EHBP1: variants seen among roughly 807,000 people sequenced by gnomAD.
EHBP1 encodes the protein EH domain-binding protein 1.
In EHBP1, 55 loss-of-function variants were observed where a neutral mutation model predicts 144.0. That is an observed-to-expected ratio of 0.38 (90% confidence interval 0.31 to 0.48). The LOEUF (loss-of-function observed/expected upper bound fraction) is 0.48. Ranked by LOEUF, EHBP1 falls within the 20% of genes least tolerant of loss-of-function variation. EHBP1 has a pLI of 0.98. For synonymous variants in EHBP1, 469 were observed against 472.7 expected (o/e 0.99, Z 0.10); for missense variants, 1,200 against 1,364.2 (o/e 0.88, Z 1.90).
intron 4 of EHBP1, among the ~76,000 whole-genome samples, chr2:62,767,629 G>A (rs1003693688): frequency 1.3e-5 from 2 of 151,952 alleles, no homozygotes; most frequent in African/African-American, 4.8e-5. Context: ...GAGCTCAGGA[G>A]TTCAAGACCA....
At chr2:62,942,645 T>C in intron 10 of EHBP1, 73 bp from the exon 11 acceptor site, 1 of 1,357,814 alleles carries the variant, frequency 7.4e-7, no homozygotes, top group Non-Finnish European at 1.0e-6. Flanking sequence ...AATGATCTGA[T>C]TAGGTCAATT....
At chr2:62,970,713 C>CG (rs1326657035) in intron 14 of EHBP1, among the ~76,000 whole-genome samples, 1 of 152,108 alleles carries the variant, frequency 6.6e-6, no homozygotes, top group Non-Finnish European at 1.5e-5. Context: ...GATCCAAAGG[C>CG]TGCTGAAAGA....
intron 5 of EHBP1, among the ~76,000 whole-genome samples, chr2:62,799,023 AAAG>A (rs1160772495): frequency 3.3e-5 from 5 of 151,658 alleles, no homozygotes; most frequent in Non-Finnish European, 5.9e-5. Context: ...AAAAAAAAAA[AAAG>A]AAATTCATGC....
chr2:63,001,960 T>C (rs749702338), intron 19 of EHBP1, among the ~76,000 whole-genome samples: 3 of 152,206 alleles, frequency 2.0e-5, no homozygotes, highest in Non-Finnish European at 4.4e-5. Context: ...TGCAAAAAGA[T>C]ACCTAGCCAA....
intron 9 of EHBP1, among the ~76,000 whole-genome samples, chr2:62,867,738 A>T (rs562080094): frequency 6.6e-6 from 1 of 152,324 alleles, no homozygotes; most frequent in South Asian, 2.1e-4. Context: ...AATGAAAGGG[A>T]CTTAGAATAA....
Position 62,890,870 on chromosome 2 carries a change from A to G in EHBP1, c.1185+16338A>G, listed in dbSNP as rs576983668. On this transcript the variant is annotated intron_variant, in intron 10 of 22. Transcript: ENST00000431489. ...TATAGTGTAATTAATCTATAAGTCA[A>G]TAACAAAACAGTAATTATAAGAAGC... Among the ~76,000 whole-genome samples, 19 of 152,354 alleles carry G rather than the reference A, an allele frequency of 1.2e-4. No individual in the cohort carries two copies. The South Asian group carries it at 3.1e-3, about 25-fold the overall frequency.
At chr2:62,813,514 G>C (rs1166694695) in intron 5 of EHBP1, among the ~76,000 whole-genome samples, 1 of 152,146 alleles carries the variant, frequency 6.6e-6, no homozygotes, top group Non-Finnish European at 1.5e-5. Flanking sequence ...GTGGGGGTGA[G>C]GCCACCTGAG....
intron 1 of EHBP1, among the ~76,000 whole-genome samples, chr2:62,675,941 A>G (rs1176194564): frequency 1.3e-5 from 2 of 152,142 alleles, no homozygotes; most frequent in Non-Finnish European, 2.9e-5. Flanking sequence ...TTTTTGGTAG[A>G]GAAGGGGTTT....
intron 3 of EHBP1, among the ~76,000 whole-genome samples, chr2:62,750,699 A>AAGCTATCCTCCCACCTCAGCC (rs1553393414): frequency 2.0e-5 from 3 of 152,118 alleles, no homozygotes; most frequent in Non-Finnish European, 4.4e-5. Flanking sequence ...AGTCCTTCAC[A>AAGCTATCCTCCCACCTCAGCC]TCCCTTGTAA....
intron 5 of EHBP1, among the ~76,000 whole-genome samples, chr2:62,773,436 A>G (rs1040672200): frequency 6.6e-6 from 1 of 152,138 alleles, no homozygotes; most frequent in Non-Finnish European, 1.5e-5. Context: ...TCATCTCTGT[A>G]TCTACCACAA....
rs530769105 is a variant in EHBP1 at position 62,763,652 on chromosome 2, T to C, written c.163-614T>C. On this transcript the variant is annotated intron_variant, in intron 3 of 22. Transcript: ENST00000431489. ...TAGAAGTTCCACAAAGGAAGAACTA[T>C]GGTGGTTACCCCCAAATTTTGGAGT... 7.2e-5 allele frequency among the ~76,000 whole-genome samples: 11 copies of C among 152,270 alleles called. No homozygotes were observed. In the South Asian group the frequency reaches 2.3e-3, roughly 32 times the overall value.
At chr2:62,980,914 T>A (rs2058938634) in intron 15 of EHBP1, among the ~76,000 whole-genome samples, 1 of 150,158 alleles carries the variant, frequency 6.7e-6, no homozygotes, top group Non-Finnish European at 1.5e-5. Flanking sequence ...AAAAAAAATT[T>A]TTTTTAATTA....
At chr2:62,738,662 A>G (rs975470599) in intron 2 of EHBP1, among the ~76,000 whole-genome samples, 2 of 152,098 alleles carry the variant, frequency 1.3e-5, no homozygotes, top group African/African-American at 4.8e-5. Context: ...ATTTATCTAA[A>G]TTTCCTGTAT....
At chr2:63,038,000 T>C (rs1057250144) in intron 20 of EHBP1, among the ~76,000 whole-genome samples, 3 of 152,090 alleles carry the variant, frequency 2.0e-5, no homozygotes, top group Non-Finnish European at 4.4e-5. Context: ...TAACTCTTAA[T>C]AAGGACAAAA....
intron 6 of EHBP1, among the ~76,000 whole-genome samples, chr2:62,828,123 C>G (rs1052184784): frequency 6.6e-6 from 1 of 152,126 alleles, no homozygotes; most frequent in African/African-American, 2.4e-5. Context: ...TTTGTTAACT[C>G]TAAGGCTTAT....
At chr2:62,854,959 C>T (rs1213945502) in intron 7 of EHBP1, among the ~76,000 whole-genome samples, 2 of 152,176 alleles carry the variant, frequency 1.3e-5, no homozygotes, top group Non-Finnish European at 2.9e-5. Flanking sequence ...TATTCTTGGA[C>T]CCTGGAGCAG....
chr2:63,025,022 T>G (rs1246519140), intron 19 of EHBP1, among the ~76,000 whole-genome samples: 1 of 152,104 alleles, frequency 6.6e-6, no homozygotes, highest in Non-Finnish European at 1.5e-5. Flanking sequence ...AGAATGCCAT[T>G]CTAGAAAAAA....
intron 13 of EHBP1, among the ~76,000 whole-genome samples, chr2:62,951,962 T>C (rs1165786221): frequency 6.6e-6 from 1 of 152,172 alleles, no homozygotes; most frequent in Non-Finnish European, 1.5e-5. Flanking sequence ...CCCAATAAAT[T>C]AGTAGTGTGA....
At chr2:62,984,742 C>A (rs1399387621) in intron 15 of EHBP1, among the ~76,000 whole-genome samples, 1 of 152,168 alleles carries the variant, frequency 6.6e-6, no homozygotes, top group East Asian at 1.9e-4. Context: ...CTCTTGCCAT[C>A]CCAAATAGTA....
Sources: allele counts gnomAD v4.1 joint callset (sites outside exome capture counted in the v4.1 genomes callset), GRCh38; gene constraint gnomAD v4.1.1; transcripts MANE v1.5; gene names NCBI Gene and HGNC (gene_info 2026-07-23, HGNC 2026-07-21).